Variants in PTK2 observed in about 807,000 individuals in gnomAD.
The protein encoded by PTK2 is protein tyrosine kinase 2.
A neutral mutation model predicts 150.1 loss-of-function variants in PTK2; 45 were observed. The ratio of observed to expected loss-of-function variants is 0.30; its 90% confidence interval spans 0.24 to 0.38. PTK2 has a LOEUF of 0.38. PTK2 is among the 10% of genes least tolerant of loss of function. The pLI is 1.00. For synonymous variants in PTK2, 432 were observed against 449.2 expected, an observed-to-expected ratio of 0.96 and a Z score of 0.48; for missense variants, 919 against 1,307.3, an observed-to-expected ratio of 0.70 and a Z score of 4.58.
chr8:140,905,458 A>AT (rs1653543902), intron 2 of PTK2, among the ~76,000 whole-genome samples: 1 of 152,236 alleles, frequency 6.6e-6, no homozygotes, highest in Admixed American at 6.5e-5. Context: ...AAAGAGATCA[A>AT]TGCAACAAGA....
Position 140,759,945 on chromosome 8 carries a change from C to T in PTK2, c.1332+1220G>A, listed in dbSNP as rs546512784. ...AGAACTAAAAACATAAATCCAGGGC[C>T]GGGCACGATGGCTCACACCTGTAAT... On this transcript the variant is annotated intron_variant, in intron 16 of 31. Transcript: ENST00000522684. Among the ~76,000 whole-genome samples, 63 of 151,956 alleles carry T rather than the reference C, an allele frequency of 4.1e-4. 1 individual carries two copies. Among genetic ancestry groups the T allele is most frequent in the African/African-American group, 1.4e-3 (56 of 41,444 alleles).
chr8:140,738,036 CT>C (rs1338795725), intron 21 of PTK2, among the ~76,000 whole-genome samples: 1 of 152,114 alleles, frequency 6.6e-6, no homozygotes, highest in Non-Finnish European at 1.5e-5. Flanking sequence ...AGAACACATA[CT>C]GGATCAAGTT....
intron 1 of PTK2, among the ~76,000 whole-genome samples, chr8:140,997,321 A>G (rs2100198171): frequency 6.6e-6 from 1 of 152,236 alleles, no homozygotes; most frequent in Non-Finnish European, 1.5e-5. Context: ...AAATGACAAC[A>G]AAGGATCTAG....
At chr8:140,676,597 C>T (rs2100013856) in intron 27 of PTK2, among the ~76,000 whole-genome samples, 1 of 61,522 alleles carries the variant, frequency 1.6e-5, no homozygotes, top group Non-Finnish European at 4.0e-5. Context: ...CGAAGAGTTG[C>T]CGCGGTCGGT....
At chr8:140,870,657 C>A (rs938071335) in intron 4 of PTK2, among the ~76,000 whole-genome samples, 1 of 151,884 alleles carries the variant, frequency 6.6e-6, no homozygotes, top group Admixed American at 6.6e-5. Context: ...AAACTGCAAG[C>A]AAAGGGGAGA....
At chr8:140,988,415 T>A (rs1384417141) in intron 1 of PTK2, among the ~76,000 whole-genome samples, 1 of 152,102 alleles carries the variant, frequency 6.6e-6, no homozygotes, top group African/African-American at 2.4e-5. Context: ...AATCAAAGAA[T>A]CTAAAAACAC....
At chr8:140,767,021 G>A (rs1417068218) in intron 14 of PTK2, among the ~76,000 whole-genome samples, 1 of 152,150 alleles carries the variant, frequency 6.6e-6, no homozygotes, top group African/African-American at 2.4e-5. Context: ...TGGCAGTTGA[G>A]GATTTAGGAT....
chr8:140,795,953 A>G (rs2100091304), intron 12 of PTK2, among the ~76,000 whole-genome samples: 1 of 152,188 alleles, frequency 6.6e-6, no homozygotes, highest in Non-Finnish European at 1.5e-5. Flanking sequence ...CCCTTCCTGG[A>G]ATACCTCAGT....
chr8:140,984,905 A>C (rs2100192755), intron 1 of PTK2, among the ~76,000 whole-genome samples: 1 of 152,160 alleles, frequency 6.6e-6, no homozygotes, highest in Admixed American at 6.5e-5. Context: ...ACCAAGCATG[A>C]ATCTAGTGCA....
intron 10 of PTK2, among the ~76,000 whole-genome samples, chr8:140,811,843 T>G (rs367630332): frequency 2.6e-5 from 4 of 152,036 alleles, no homozygotes; most frequent in East Asian, 1.9e-4. Flanking sequence ...CTTTCTGAAA[T>G]AGGAGTCAGA....
upstream of PTK2, chr8:141,001,440 G>C (rs1047016463): frequency 6.6e-6 from 1 of 151,874 alleles, no homozygotes; most frequent in East Asian, 1.9e-4. Flanking sequence ...CGCGCCGCTA[G>C]GCTCTGCTCG....
chr8:140,758,713 G>A (rs1010251569), intron 16 of PTK2, among the ~76,000 whole-genome samples: 1 of 152,170 alleles, frequency 6.6e-6, no homozygotes, highest in Non-Finnish European at 1.5e-5. Flanking sequence ...ATAAGCTAAG[G>A]TTAATTTAGT....
intron 5 of PTK2, among the ~76,000 whole-genome samples, chr8:140,858,414 C>A (rs2100134072): frequency 1.4e-5 from 2 of 139,288 alleles, no homozygotes; most frequent in African/African-American, 5.4e-5. Flanking sequence ...TGACACAGAT[C>A]AAGCAAGGGC....
chr8:140,902,924 G>GTTTTTTGTTTTTTTTTTTTTTTTT, intron 2 of PTK2, among the ~76,000 whole-genome samples: 1 of 58,964 alleles, frequency 1.7e-5, no homozygotes, highest in Non-Finnish European at 3.8e-5. Context: ...GATGAGAGTT[G>GTTTTTTGTTTTTTTTTTTTTTTTT]TTTTTTTTTT....
Position 140,789,463 on chromosome 8 carries a change from G to A in PTK2, c.1177+11C>T. 1 of 1,612,646 alleles carries A rather than the reference G, an allele frequency of 6.2e-7. No homozygotes were observed. Among genetic ancestry groups the A allele is most frequent in the Non-Finnish European group, 8.5e-7 (1 of 1,179,426 alleles). The stretch of plus-strand genomic sequence containing the variant: ...AGTGCTTTTCGAGGTCTGCTACCTA[G>A]AGCCCCTTACCTGACACAGAGACGG... On this transcript the variant is annotated intron_variant, in intron 14 of 31. Transcript: ENST00000522684.
At chr8:140,815,585 A>G (rs2100104239) in intron 10 of PTK2, among the ~76,000 whole-genome samples, 1 of 152,212 alleles carries the variant, frequency 6.6e-6, no homozygotes, top group African/African-American at 2.4e-5. Context: ...AAAAAAAATC[A>G]CTGAAAGATT....
In PTK2 at chr8:140,789,198, T is replaced by C. The variant is rs184807862; in HGVS notation, c.1177+276A>G. Among the ~76,000 whole-genome samples the C allele has an allele frequency of 3.6e-4, 55 of 151,856 alleles. No individual in the cohort carries two copies. The East Asian group carries it at 7.5e-3, about 21-fold the overall frequency. ...ATGGCAACTTCATTCTGGATAAGAT[T>C]AACATGATATTAAAACCCAAAAATA... On this transcript the variant is annotated intron_variant, in intron 14 of 31. Coordinates refer to ENST00000522684, the Ensembl canonical transcript of PTK2.
chr8:140,996,476 A>G (rs1307421637), intron 1 of PTK2, among the ~76,000 whole-genome samples: 5 of 152,246 alleles, frequency 3.3e-5, no homozygotes, highest in African/African-American at 1.2e-4. Context: ...TAGGACTTTC[A>G]TAGCCAGAGA....
chr8:140,835,051 C>T (rs1421171484), intron 7 of PTK2, among the ~76,000 whole-genome samples: 1 of 152,172 alleles, frequency 6.6e-6, no homozygotes, highest in African/African-American at 2.4e-5. Flanking sequence ...TGTAGGAGGG[C>T]CTCTCCCCAC....
Sources: allele counts gnomAD v4.1 joint callset (sites outside exome capture counted in the v4.1 genomes callset), GRCh38; gene constraint gnomAD v4.1.1; transcripts MANE v1.5; gene names NCBI Gene and HGNC (gene_info 2026-07-23, HGNC 2026-07-21).